AGBL4: variants seen among roughly 807,000 people sequenced by gnomAD.
The protein encoded by AGBL4 is cytosolic carboxypeptidase 6.
Under a neutral mutation model 66.4 loss-of-function variants are expected in AGBL4, and 58 were observed. The ratio of observed to expected loss-of-function variants is 0.87; its 90% CI spans 0.71 to 1.09. The LOEUF (loss-of-function observed/expected upper bound fraction) is 1.09. AGBL4 is among the 50% of genes least tolerant of loss of function. AGBL4 has a pLI of 0.00. For missense variants in AGBL4, 579 were observed against 631.0 expected, an observed-to-expected ratio of 0.92 and a Z score of 0.88; for synonymous variants, 234 against 222.9, an observed-to-expected ratio of 1.05 and a Z score of -0.44.
chr1:48,796,216 T>C (rs550152500), intron 6 of AGBL4, among the ~76,000 whole-genome samples: 18 of 152,336 alleles, frequency 1.2e-4, no homozygotes, highest in African/African-American at 4.3e-4. Context: ...AACCCTACAC[T>C]TGGTTAGGAT....
chr1:49,809,016 C>T (rs952902246), intron 2 of AGBL4, among the ~76,000 whole-genome samples: 52 of 152,110 alleles, frequency 3.4e-4, no homozygotes, highest in Admixed American at 3.3e-3. Flanking sequence ...ACCTAGTAGG[C>T]GGTTAGGCAA....
At chr1:48,913,644 T>A (rs1322329290) in intron 5 of AGBL4, among the ~76,000 whole-genome samples, 1 of 152,196 alleles carries the variant, frequency 6.6e-6, no homozygotes. Context: ...CTGTTTTAGT[T>A]GCAGGAAAAC....
rs536928773 is a variant in AGBL4 at position 48,927,013 on chromosome 1, T to C, written c.595-59783A>G. ...AGATCTTTTGCCTCATCCTCTGATT[T>C]TTTTCCTTTATTACCTTTTGCCTTT... On this transcript the variant is annotated intron_variant, in intron 5 of 13. Transcript: ENST00000371839. Among the ~76,000 whole-genome samples, 12 of 152,180 alleles carry C rather than the reference T, an allele frequency of 7.9e-5. 1 individual carries two copies. Among genetic ancestry groups the C allele is most frequent in the Admixed American group, 2.0e-4 (3 of 15,278 alleles).
intron 4 of AGBL4, among the ~76,000 whole-genome samples, chr1:49,188,758 T>C (rs1000620585): frequency 7.9e-5 from 12 of 152,210 alleles, no homozygotes; most frequent in African/African-American, 2.2e-4. Flanking sequence ...CCAGATTTAC[T>C]AAATGTGTGA....
chr1:49,718,036 G>C (rs1322003295), intron 2 of AGBL4, among the ~76,000 whole-genome samples: 1 of 152,030 alleles, frequency 6.6e-6, no homozygotes. Flanking sequence ...ATGATGGAAG[G>C]ATGCCCAGAG....
rs1297844905 is a variant in AGBL4, at chr1:49,163,987, C to A, written c.377+81783G>T. ...CCCATTCACGAAGCCGTTAGAAAAC[C>A]AGGATAGGAAGGGAGGTTAGAACCA... On this transcript the variant is annotated intron_variant, in intron 4 of 13. Coordinates refer to ENST00000371839, the MANE Select transcript of AGBL4 (RefSeq NM_032785.4). 3.9e-5 allele frequency among the ~76,000 whole-genome samples: 6 copies of A among 152,076 alleles called. No individual in the cohort carries two copies. In the East Asian group the frequency reaches 1.2e-3, roughly 29 times the overall value.
chr1:49,856,100 A>C (rs1646426325), intron 1 of AGBL4, among the ~76,000 whole-genome samples: 1 of 152,118 alleles, frequency 6.6e-6, no homozygotes, highest in Non-Finnish European at 1.5e-5. Flanking sequence ...ACTAGAGACT[A>C]TTATGAACAA....
At chr1:49,258,015 G>A (rs1191422065) in intron 3 of AGBL4, among the ~76,000 whole-genome samples, 3 of 152,128 alleles carry the variant, frequency 2.0e-5, no homozygotes, top group Non-Finnish European at 2.9e-5. Flanking sequence ...GAAAATCCAC[G>A]GTTCTGCAGA....
At chr1:49,984,438 A>G (rs879890174) in intron 1 of AGBL4, among the ~76,000 whole-genome samples, 79 of 152,218 alleles carry the variant, frequency 5.2e-4, no homozygotes, top group Non-Finnish European at 1.0e-3. Flanking sequence ...CAGGGTGAAC[A>G]TAGGTCTTAT....
At chr1:48,553,556 C>T (rs373196432) in intron 11 of AGBL4, among the ~76,000 whole-genome samples, 5 of 151,968 alleles carry the variant, frequency 3.3e-5, no homozygotes, top group Non-Finnish European at 7.4e-5. Context: ...ACTGGCTTGC[C>T]GATGTTTTGA....
At chr1:49,074,754 C>A (rs1644677972) in intron 4 of AGBL4, among the ~76,000 whole-genome samples, 1 of 152,124 alleles carries the variant, frequency 6.6e-6, no homozygotes, top group Non-Finnish European at 1.5e-5. Flanking sequence ...TAAACAATTA[C>A]ATAGAGAAGG....
At chr1:49,900,069 G>T (rs544726202) in intron 1 of AGBL4, among the ~76,000 whole-genome samples, 1 of 151,962 alleles carries the variant, frequency 6.6e-6, no homozygotes, top group African/African-American at 2.4e-5. Context: ...CAATAATTGG[G>T]TAGAAGGAAT....
At chr1:49,592,867 C>G (rs1322992637) in intron 3 of AGBL4, among the ~76,000 whole-genome samples, 2 of 152,128 alleles carry the variant, frequency 1.3e-5, no homozygotes, top group African/African-American at 4.8e-5. Context: ...TACCCTTTGA[C>G]CCCGCAATTC....
At chr1:49,236,029 T>TATTTATTG (rs1553169477) in intron 4 of AGBL4, among the ~76,000 whole-genome samples, 16 of 149,484 alleles carry the variant, frequency 1.1e-4, no homozygotes, top group Admixed American at 8.7e-4. Context: ...TTTATTTATT[T>TATTTATTG]ATTGATGATT....
intron 1 of AGBL4, among the ~76,000 whole-genome samples, chr1:49,882,518 G>A (rs1267759195): frequency 6.6e-6 from 1 of 151,932 alleles, no homozygotes; most frequent in East Asian, 1.9e-4. Flanking sequence ...TCCTACCCAT[G>A]AGCATGGAAT....
At chr1:48,668,569 C>T (rs1646226835) in intron 6 of AGBL4, among the ~76,000 whole-genome samples, 1 of 152,144 alleles carries the variant, frequency 6.6e-6, no homozygotes, top group Non-Finnish European at 1.5e-5. Context: ...GGCACATGTT[C>T]TGTTTTCTTC....
intron 4 of AGBL4, among the ~76,000 whole-genome samples, chr1:49,144,711 A>G (rs1484409883): frequency 6.6e-6 from 1 of 152,180 alleles, no homozygotes; most frequent in Admixed American, 6.6e-5. Context: ...TGAAAGAGAA[A>G]TTCAGGAGAA....
intron 5 of AGBL4, among the ~76,000 whole-genome samples, chr1:48,956,632 T>G (rs1657469793): frequency 6.6e-6 from 1 of 152,138 alleles, no homozygotes; most frequent in African/African-American, 2.4e-5. Flanking sequence ...GAAAGTAGAT[T>G]GAGAGATTCA....
At chr1:49,311,890 T>C (rs1006157921) in intron 3 of AGBL4, among the ~76,000 whole-genome samples, 2 of 152,066 alleles carry the variant, frequency 1.3e-5, no homozygotes, top group Non-Finnish European at 2.9e-5. Context: ...GTTAGACTAT[T>C]GGTACAAAAA....
Sources: gnomAD v4.1 joint callset for allele counts (sites outside exome capture counted in the v4.1 genomes callset) on GRCh38, gnomAD v4.1.1 for gene constraint, MANE v1.5 for transcripts, NCBI Gene and HGNC (gene_info 2026-07-23, HGNC 2026-07-21) for gene names.